The following SIRT7 variants were observed in gnomAD, a reference collection of about 807,000 sequenced individuals.
SIRT7 encodes sirtuin 7.
SIRT7 carries 32 observed loss-of-function variants against 42.8 expected under a neutral mutation model. The observed-to-expected ratio is 0.75, with a 90% CI of 0.56 to 1.00. SIRT7 has a LOEUF of 1.00. SIRT7 is among the 50% of genes least tolerant of loss of function. SIRT7 has a pLI of 0.00. For missense variants in SIRT7, 553 were observed against 572.2 expected, an observed-to-expected ratio of 0.97 and a Z score of 0.34; for synonymous variants, 297 against 245.2, an observed-to-expected ratio of 1.21 and a Z score of -1.97.
Position 81,912,145 on chromosome 17 carries a change from T to C in SIRT7, c.*271A>G. ...GCGCTTCCACTCTGCAGGCCGGGGC[T>C]GAAATAACCCGAGTTCCGTTCTCAC... On this transcript the variant is annotated 3_prime_UTR_variant, in exon 10 of 10. Coordinates refer to ENST00000328666, the MANE Select transcript of SIRT7 (RefSeq NM_016538.3). 1.9e-6 allele frequency: 1 copy of C among 522,810 alleles called. No homozygotes were observed. The highest frequency in any genetic ancestry group is 3.4e-5 in the Admixed American group (1 of 29,760). 32.4% of individuals were successfully genotyped at this position (522,810 alleles called of 1,614,324 possible).
In SIRT7 at chr17:81,917,608, T is replaced by C; in HGVS notation, c.336+7A>G. 1.3e-6 allele frequency: 2 copies of C among 1,594,436 alleles called. No individual in the cohort carries two copies. The highest frequency in any genetic ancestry group is 1.1e-5 in the South Asian group (1 of 88,740). On this transcript the variant is annotated splice_region_variant and intron_variant, in intron 3 of 9. Transcript: ENST00000328666. ...GTCCTGGGGTACGCCTCCGCCTCCC[T>C]CCCTACCGTGCTGATTCCCGCGCCT...
rs777713980 is a variant in SIRT7, at chr17:81,915,643, C to T, written c.375G>A (p.Val125=). ...TTCTCCCTTTCTGAAGCAGTGTCCA[C>T]ACTCCATTAGGGCCCCGGTAGTCTG... The part of the protein sequence containing the change: ...SIPDYRGPNG[V]WTLLQKGRSV... Residue 125 remains valine, a synonymous_variant, in exon 4 of 10, where the codon GTG becomes GTA. Transcript: ENST00000328666. 3.7e-6 allele frequency: 6 copies of T among 1,613,960 alleles called. No individual in the cohort carries two copies. The highest frequency in any genetic ancestry group is 1.1e-5 in the South Asian group (1 of 91,072).
chr17:81,914,336 G>A lies in SIRT7; in HGVS notation c.774C>T (p.Ala258=), dbSNP rs927220312. 7 of 1,612,802 alleles carry A rather than the reference G, an allele frequency of 4.3e-6. No individual in the cohort carries two copies. Among genetic ancestry groups the A allele is most frequent in the Non-Finnish European group, 5.9e-6 (7 of 1,179,984 alleles). The change falls in exon 7 of 10, where the codon GCC becomes GCT. Residue 258 remains alanine (A), a synonymous_variant. Transcript: ENST00000328666. ...PLNWEAATEA[A]SRADTILCLG... ...GACACAGGATGGTGTCTGCTCTGCT[G>A]GCAGCCTCGGTCGCCGCTTCCCAGT...
At position 81,917,642 on chromosome 17, in the gene SIRT7, G is replaced by C. The variant is rs751449349; in HGVS notation, c.309C>G (p.Val103=). Residue 103 remains valine, a synonymous_variant, in exon 3 of 10, where the codon GTC becomes GTG. Coordinates refer to ENST00000328666, the MANE Select transcript of SIRT7 (RefSeq NM_016538.3). ...TGCTGATTCCCGCGCCTGTGTAGAC[G>C]ACCAAGTATTTGGCGTTCCGGACGG... is the stretch of plus-strand genomic sequence containing the variant. ...ASAVRNAKYL[V]VYTGAGISTA... is the part of the protein sequence containing the mutation. 3.7e-6 allele frequency: 6 copies of C among 1,607,794 alleles called. No homozygotes were observed. The highest frequency in any genetic ancestry group is 5.1e-6 in the Non-Finnish European group (6 of 1,177,386).
At chr17:81,912,983 G>A (rs527790303) in intron 9 of SIRT7, 13 of 379,732 alleles carry the variant, frequency 3.4e-5, no homozygotes, top group East Asian at 6.7e-5. Context: ...CACTTGTACC[G>A]CTGGGGCAGG....
Position 81,912,818 on chromosome 17 carries a change from C to T in SIRT7, c.1005-204G>A. On this transcript the variant is annotated intron_variant, in intron 9 of 9. Transcript: ENST00000328666. ...GGAGAGGTCACCTCTTAGGTGGTGA[C>T]TCAAAGGTCGGCACCCACACTAGCT... 3 of 631,562 alleles carry T rather than the reference C, an allele frequency of 4.8e-6. No individual in the cohort carries two copies. The South Asian group carries it at 5.5e-5, about 12-fold the overall frequency. The allele number at this position is 631,562 out of a possible 1,614,324, so 39.1% of individuals were successfully genotyped here.
intron 5 of SIRT7, 38 bp from the exon 6 acceptor site, chr17:81,914,740 G>A (rs770766048): frequency 6.4e-7 from 1 of 1,550,480 alleles, no homozygotes. Context: ...AGGGATGGCT[G>A]CCAGTGGTGG....
At position 81,918,031 on chromosome 17, in the gene SIRT7, CGGCGTACCTGGCGGA is replaced by C. The variant is rs2040840846; in HGVS notation, c.86_93+7del. On this transcript the variant is annotated splice_donor_variant and splice_donor_5th_base_variant and coding_sequence_variant and intron_variant, in exon 1 of 10. Coordinates refer to ENST00000328666, the MANE Select transcript of SIRT7 (RefSeq NM_016538.3). LOFTEE classifies it high-confidence loss of function. ...GCATGGCCGGGCCGGGGAGCGGCGG[CGGCGTACCTGGCGGA>C]GGCGCTCCCTCTGCTGCTCCTCCCG... 3 of 1,465,786 alleles carry C rather than the reference CGGCGTACCTGGCGGA, an allele frequency of 2.0e-6. No individual in the cohort carries two copies. Among genetic ancestry groups the C allele is most frequent in the Non-Finnish European group, 2.7e-6 (3 of 1,116,596 alleles). 90.8% of individuals were successfully genotyped at this position (1,465,786 alleles called of 1,614,324 possible).
At position 81,918,122 on chromosome 17, in the gene SIRT7, C is replaced by G. The variant is rs1396320144; in HGVS notation, c.10G>C (p.Gly4Arg). 1.2e-5 allele frequency: 19 copies of G among 1,552,280 alleles called. No individual in the cohort carries two copies. The highest frequency in any genetic ancestry group is 1.6e-5 in the Non-Finnish European group (18 of 1,160,302). MAA[G>R]GLSRSERKAA... Reference sequence around the variant, plus strand: ...TTGCGCTCGGAGCGGCTCAGACCCCCGGCTGCCATCGCTCCCCTGGAGACC... The same window carrying G: ...TTGCGCTCGGAGCGGCTCAGACCCCGGGCTGCCATCGCTCCCCTGGAGACC... Residue 4 changes from glycine to arginine, a missense_variant, in exon 1 of 10, where the codon GGG becomes CGG. Coordinates refer to ENST00000328666, the MANE Select transcript of SIRT7 (RefSeq NM_016538.3).
rs558281910 is a variant in SIRT7, at chr17:81,913,530, G to A, written c.1004+244C>T. 70 of 509,154 alleles carry A rather than the reference G, an allele frequency of 1.4e-4. No individual in the cohort carries two copies. The highest frequency in any genetic ancestry group is 1.2e-3 in the South Asian group (60 of 49,680). The allele number at this position is 509,154 out of a possible 1,614,324, so 31.5% of individuals were successfully genotyped here. On this transcript the variant is annotated intron_variant, in intron 9 of 9. Transcript: ENST00000328666. The surrounding 1 kb of genome is among the most constrained non-coding windows in gnomAD (Gnocchi z 5.0). ...ACGGGGAGGCCTGGAGCAGGAGCAC[G>A]CGGGCAGAATCCCTCTCCCCGCGGG...
chr17:81,912,273 C>T lies in SIRT7; in HGVS notation c.*143G>A, dbSNP rs2040681014. ...CAACCGCAGCAGTGCAAGGGGCTTC[C>T]TCAAGGACAAATGGCTAAAAATGTC... On this transcript the variant is annotated 3_prime_UTR_variant, in exon 10 of 10. Transcript: ENST00000328666. 2.7e-6 allele frequency: 3 copies of T among 1,104,086 alleles called. No individual in the cohort carries two copies. The highest frequency in any genetic ancestry group is 4.0e-6 in the Non-Finnish European group (3 of 744,840). The allele number at this position is 1,104,086 out of a possible 1,614,324, so 68.4% of individuals were successfully genotyped here. A position where few individuals can be genotyped will look rare whatever the true frequency, so the allele number is the denominator to read the frequency against.
chr17:81,914,732 G>A (rs1371138963), intron 5 of SIRT7, 30 bp from the exon 6 acceptor site: 2 of 1,580,936 alleles, frequency 1.3e-6, no homozygotes, highest in East Asian at 2.2e-5. Flanking sequence ...GCAAGGGGAG[G>A]GATGGCTGCC....
rs2040831440 is a variant in SIRT7, at chr17:81,917,679, T to C, written c.272A>G (p.Glu91Gly). Residue 91 changes from glutamate to glycine, a missense_variant, in exon 3 of 10, where the codon GAG becomes GGG. Transcript: ENST00000328666. ...DPEELRGKVR[E>G]LASAVRNAKY... ...GGCGTTCCGGACGGCGCTGGCCAGC[T>C]CCCGGACCTTCCCCCGCAGCTCCTC... 2.5e-6 allele frequency: 4 copies of C among 1,605,276 alleles called. No homozygotes were observed. Among genetic ancestry groups the C allele is most frequent in the Non-Finnish European group, 3.4e-6 (4 of 1,176,666 alleles).
intron 9 of SIRT7, 83 bp from the exon 10 acceptor site, chr17:81,912,697 G>T: frequency 7.0e-7 from 1 of 1,428,202 alleles, no homozygotes; most frequent in Non-Finnish European, 9.6e-7. Flanking sequence ...AGCTGTCTGC[G>T]GTCCCTGCCT....
Position 81,912,583 on chromosome 17 carries a change from G to C in SIRT7, c.1036C>G (p.Pro346Ala). The C allele has an allele frequency of 1.9e-6, 3 of 1,613,546 alleles. No homozygotes were observed. The highest frequency in any genetic ancestry group is 1.3e-5 in the African/African-American group (1 of 75,054). Residue 346 changes from proline to alanine, a missense_variant, in exon 10 of 10, where the codon CCC becomes GCC. Transcript: ENST00000328666. ...CTGCCTTCTTCACCAGCACGCAGGG[G>C]AGTCGCCAGTGAGAAAATGGGATCC... Reference protein sequence around the residue: ...WQDPIFSLATPLRAGEEGSHS... With the variant: ...WQDPIFSLATALRAGEEGSHS...
intron 7 of SIRT7, 47 bp downstream of exon 7, chr17:81,914,247 T>G (rs754624035): frequency 6.2e-7 from 1 of 1,611,636 alleles, no homozygotes; most frequent in Admixed American, 1.7e-5. Context: ...CTGGACACCC[T>G]CGGGCGGGCA....
Position 81,913,276 on chromosome 17 carries a change from G to C in SIRT7, c.1004+498C>G. On this transcript the variant is annotated intron_variant, in intron 9 of 9. Coordinates refer to ENST00000328666, the MANE Select transcript of SIRT7 (RefSeq NM_016538.3). The surrounding 1 kb of genome is among the most constrained non-coding windows in gnomAD (Gnocchi z 5.0). ...AACCCTTTGATTAAAAGAAGTTATTGATTTCCCCTATAAGACCCTGAAAAT... is the reference window on the plus strand; with the variant it reads ...AACCCTTTGATTAAAAGAAGTTATTCATTTCCCCTATAAGACCCTGAAAAT... 1 of 456,172 alleles carries C rather than the reference G, an allele frequency of 2.2e-6. No individual in the cohort carries two copies. Among genetic ancestry groups the C allele is most frequent in the South Asian group, 1.6e-5 (1 of 64,346 alleles). The allele number at this position is 456,172 out of a possible 1,614,324, so 28.3% of individuals were successfully genotyped here.
chr17:81,915,138 C>T (rs536826137), intron 5 of SIRT7: 116 of 528,816 alleles, frequency 2.2e-4, no homozygotes, highest in African/African-American at 1.9e-3. Context: ...CTATAAGCCT[C>T]CCCTGTGACT....
rs377546183 is a variant in SIRT7 at position 81,914,345 on chromosome 17, G to A, written c.765C>T (p.Thr255=). 21 of 1,612,768 alleles carry A rather than the reference G, an allele frequency of 1.3e-5. No individual in the cohort carries two copies. Among genetic ancestry groups the A allele is most frequent in the East Asian group, 1.1e-4 (5 of 44,890 alleles). Residue 255 remains threonine, a synonymous_variant, in exon 7 of 10, where the codon ACC becomes ACT. Coordinates refer to ENST00000328666, the MANE Select transcript of SIRT7 (RefSeq NM_016538.3). The stretch of plus-strand genomic sequence containing the variant: ...TGGTGTCTGCTCTGCTGGCAGCCTC[G>A]GTCGCCGCTTCCCAGTTCAAAGGCT... ...LGQPLNWEAA[T]EAASRADTIL...
Sources: gnomAD v4.1 joint callset for allele counts on GRCh38, gnomAD v4.1.1 for gene constraint, Gnocchi (gnomAD v3.1) non-coding constraint, MANE v1.5 for transcripts, NCBI Gene and HGNC (gene_info 2026-07-23, HGNC 2026-07-21) for gene names.